The following NRG1 variants were observed in gnomAD, a reference collection of about 807,000 sequenced individuals.
NRG1 encodes the protein neuregulin 1, also known as pro-neuregulin-1, membrane-bound isoform.
A neutral mutation model predicts 63.8 loss-of-function variants in NRG1; 18 were observed. That is an observed-to-expected ratio of 0.28 (90% CI 0.19 to 0.42). NRG1 has a LOEUF of 0.42. NRG1 is among the 10% of genes least tolerant of loss of function. NRG1 has a pLI of 1.00. For missense variants in NRG1, 762 were observed against 814.7 expected (o/e 0.94, Z 0.79); for synonymous variants, 302 against 301.3 (o/e 1.00, Z -0.02).
intron 1 of NRG1, among the ~76,000 whole-genome samples, chr8:32,399,782 A>G (rs1812932865): frequency 6.6e-6 from 1 of 152,222 alleles, no homozygotes; most frequent in African/African-American, 2.4e-5. Context: ...AATTCTTTTT[A>G]TTATCAAATA....
intron 1 of NRG1, among the ~76,000 whole-genome samples, chr8:32,056,221 G>C (rs981487080): frequency 6.6e-6 from 1 of 152,166 alleles, no homozygotes; most frequent in East Asian, 1.9e-4. Flanking sequence ...GGAAAGTTGC[G>C]AGAGAATATG....
In NRG1 at chr8:32,460,865, C is replaced by T. The variant is rs752076656; in HGVS notation, c.38-134963C>T. On this transcript the variant is annotated intron_variant, in intron 1 of 10. Transcript: ENST00000519301. ...AAGAAATAAAGAAAAGCCAACCACT[C>T]GTTCTATCCACAGAAGAAAAACACA... Among the ~76,000 whole-genome samples the T allele has an allele frequency of 4.9e-4, 74 of 152,094 alleles. 2 individuals carry two copies. Among genetic ancestry groups the T allele is most frequent in the Non-Finnish European group, 2.9e-5 (2 of 68,028 alleles).
chr8:32,314,562 C>T (rs1251743000), intron 1 of NRG1, among the ~76,000 whole-genome samples: 1 of 151,986 alleles, frequency 6.6e-6, no homozygotes, highest in Non-Finnish European at 1.5e-5. Flanking sequence ...CACAATTTCT[C>T]CTTGCATGTG....
intron 1 of NRG1, among the ~76,000 whole-genome samples, chr8:31,769,862 T>C (rs1174993761): frequency 6.6e-6 from 1 of 152,166 alleles, no homozygotes; most frequent in Non-Finnish European, 1.5e-5. Context: ...TATTCAGTAA[T>C]GTTTTAACTT....
At chr8:31,677,118 C>T (rs540954453) in intron 1 of NRG1, among the ~76,000 whole-genome samples, 1 of 152,244 alleles carries the variant, frequency 6.6e-6, no homozygotes, top group South Asian at 2.1e-4. Context: ...ACACTAAAAT[C>T]CCTGTATGAA....
Position 32,011,192 on chromosome 8 carries a change from C to T in NRG1, c.37+371761C>T, listed in dbSNP as rs550176251. ...TTGAAAGAAAAATGTATGCGTCTCC[C>T]GTAGAGCCCATGAACTTGTTTTCTT... On this transcript the variant is annotated intron_variant, in intron 1 of 10. Coordinates refer to the NRG1 transcript ENST00000519301. 5.3e-5 allele frequency among the ~76,000 whole-genome samples: 8 copies of T among 152,156 alleles called. No individual in the cohort carries two copies. The South Asian group carries it at 1.5e-3, about 28-fold the overall frequency.
intron 1 of NRG1, among the ~76,000 whole-genome samples, chr8:31,986,230 G>A (rs1810042592): frequency 6.6e-6 from 1 of 152,000 alleles, no homozygotes; most frequent in South Asian, 2.1e-4. Flanking sequence ...GGGGTGGTGT[G>A]ACTGGCTAAA....
At chr8:32,589,773 A>T (rs575598506) in intron 1 of NRG1, among the ~76,000 whole-genome samples, 1 of 152,204 alleles carries the variant, frequency 6.6e-6, no homozygotes, top group Non-Finnish European at 1.5e-5. Context: ...AATATTTGAA[A>T]AATAAGGGCA....
intron 1 of NRG1, among the ~76,000 whole-genome samples, chr8:31,901,494 A>T (rs75952498): frequency 0.055 from 8,311 of 152,308 alleles, 286 homozygotes; most frequent in Admixed American, 0.11. Flanking sequence ...GAAGCAGAAA[A>T]AAAGGTATTG....
chr8:32,658,333 A>G (rs1802017423), intron 5 of NRG1, among the ~76,000 whole-genome samples: 1 of 152,324 alleles, frequency 6.6e-6, no homozygotes, highest in South Asian at 2.1e-4. Context: ...ATAACTTACA[A>G]TACTAGTGAC....
intron 1 of NRG1, among the ~76,000 whole-genome samples, chr8:32,116,209 G>A (rs887752400): frequency 6.6e-6 from 1 of 152,038 alleles, no homozygotes; most frequent in African/African-American, 2.4e-5. Context: ...TCTGTCTCCC[G>A]CCTTCTTTTC....
chr8:32,719,163 A>G (rs1048280071), intron 5 of NRG1, among the ~76,000 whole-genome samples: 1 of 152,188 alleles, frequency 6.6e-6, no homozygotes, highest in Non-Finnish European at 1.5e-5. Flanking sequence ...TCTTAGTGAT[A>G]CAGAATATCA....
chr8:31,776,847 G>T (rs1819194631), intron 1 of NRG1, among the ~76,000 whole-genome samples: 1 of 152,046 alleles, frequency 6.6e-6, no homozygotes, highest in Admixed American at 6.6e-5. Context: ...CTTCATCCAT[G>T]TCCCTACAAA....
intron 1 of NRG1, among the ~76,000 whole-genome samples, chr8:31,729,983 G>A (rs1813855410): frequency 6.6e-6 from 1 of 152,180 alleles, no homozygotes; most frequent in Non-Finnish European, 1.5e-5. Context: ...GAATTCCTAC[G>A]GAGTATAGGG....
At chr8:32,653,695 T>G (rs1855648075) in intron 5 of NRG1, among the ~76,000 whole-genome samples, 1 of 152,228 alleles carries the variant, frequency 6.6e-6, no homozygotes, top group African/African-American at 2.4e-5. Flanking sequence ...TATTTTTGTT[T>G]CTATATTTTG....
intron 1 of NRG1, among the ~76,000 whole-genome samples, chr8:31,682,146 C>A (rs1808404258): frequency 2.0e-5 from 3 of 152,172 alleles, no homozygotes; most frequent in Admixed American, 1.3e-4. Context: ...AACCACTAAT[C>A]TTTTCAATGA....
intron 1 of NRG1, among the ~76,000 whole-genome samples, chr8:31,922,789 G>A (rs1340628441): frequency 1.3e-5 from 2 of 152,154 alleles, no homozygotes; most frequent in African/African-American, 2.4e-5. Context: ...GTTTTTGAAA[G>A]TCTATTATGT....
intron 1 of NRG1, among the ~76,000 whole-genome samples, chr8:31,853,448 T>C (rs554381369): frequency 3.8e-4 from 57 of 150,448 alleles, no homozygotes; most frequent in African/African-American, 1.3e-3. Flanking sequence ...TTGTGATTTT[T>C]GTACATTGAT....
intron 1 of NRG1, among the ~76,000 whole-genome samples, chr8:31,798,670 T>C (rs1352821903): frequency 6.6e-6 from 1 of 152,192 alleles, no homozygotes; most frequent in Admixed American, 6.5e-5. Flanking sequence ...CATATGTACA[T>C]AATAAGATGT....
Sources: allele counts gnomAD v4.1 joint callset (sites outside exome capture counted in the v4.1 genomes callset), GRCh38; gene constraint gnomAD v4.1.1; transcripts MANE v1.5; gene names NCBI Gene and HGNC (gene_info 2026-07-23, HGNC 2026-07-21).